Variants in DCTN6 observed in about 807,000 individuals in gnomAD.
DCTN6 encodes dynactin subunit 6.
In DCTN6, 15 loss-of-function variants were observed where a neutral mutation model predicts 25.8. The ratio of observed to expected loss-of-function variants is 0.58; its 90% confidence interval spans 0.39 to 0.89. DCTN6 has a LOEUF of 0.89. Among genes scored for constraint, DCTN6 ranks in the 40% least tolerant of loss-of-function variants. The pLI is 0.00. For missense variants in DCTN6, 198 were observed against 237.6 expected (o/e 0.83, Z 1.09); for synonymous variants, 64 against 78.3 (o/e 0.82, Z 0.96).
At chr8:30,156,649 C>A (rs1175762529) in intron 1 of DCTN6, among the ~76,000 whole-genome samples, 1 of 152,074 alleles carries the variant, frequency 6.6e-6, no homozygotes, top group Non-Finnish European at 1.5e-5. Flanking sequence ...TCCCTCCCCA[C>A]ATGCGCCTGC....
At chr8:30,172,453 A>C (rs550878173) in intron 2 of DCTN6, among the ~76,000 whole-genome samples, 2 of 97,726 alleles carry the variant, frequency 2.0e-5, no homozygotes, top group Non-Finnish European at 5.4e-5. Context: ...GATATTTACA[A>C]ATTTTTTTTT....
chr8:30,156,532 G>T lies in DCTN6; in HGVS notation c.23+126G>T. On this transcript the variant is annotated intron_variant, in intron 1 of 6. Transcript: ENST00000221114. ...GGCATTCGGGCCGAAGGTACCTGAAGCCCAGACCTGGCGTCCACTGAGGGA... is the reference window on the plus strand; with the variant it reads ...GGCATTCGGGCCGAAGGTACCTGAATCCCAGACCTGGCGTCCACTGAGGGA... 7 of 1,172,072 alleles carry T rather than the reference G, an allele frequency of 6.0e-6. No individual in the cohort carries two copies. In the South Asian group the frequency reaches 7.9e-5, roughly 13 times the overall value. The allele number at this position is 1,172,072 out of a possible 1,614,324, so 72.6% of individuals were successfully genotyped here. A position where few individuals can be genotyped will look rare whatever the true frequency, so the allele number is the denominator to read the frequency against.
chr8:30,174,408 C>G (rs1803804251), intron 2 of DCTN6, among the ~76,000 whole-genome samples: 2 of 152,040 alleles, frequency 1.3e-5, no homozygotes, highest in Non-Finnish European at 2.9e-5. Context: ...TCTCAGCTCA[C>G]TGTAGCCTTT....
intron 2 of DCTN6, among the ~76,000 whole-genome samples, chr8:30,172,599 C>CACCACCATG (rs1230233775): frequency 9.2e-5 from 14 of 152,164 alleles, no homozygotes; most frequent in African/African-American, 3.1e-4. Flanking sequence ...CACAGGTGTG[C>CACCACCATG]ACCACCATGC....
chr8:30,175,652 A>G (rs1803823167), intron 3 of DCTN6, among the ~76,000 whole-genome samples: 1 of 152,002 alleles, frequency 6.6e-6, no homozygotes, highest in Non-Finnish European at 1.5e-5. Flanking sequence ...TTATAGTTGA[A>G]AAATGTGGAG....
intron 1 of DCTN6, among the ~76,000 whole-genome samples, chr8:30,158,701 C>CT (rs5890500): frequency 0.59 from 58,249 of 98,992 alleles, 16,697 homozygotes; most frequent in Non-Finnish European, 0.67. Flanking sequence ...AGTAGATTGA[C>CT]TTTTTTTTTT....
intron 2 of DCTN6, chr8:30,166,008 T>C (rs1169130374): frequency 2.0e-5 from 3 of 152,224 alleles, no homozygotes; most frequent in Non-Finnish European, 4.4e-5. Flanking sequence ...GAAAGTTATG[T>C]TTTTTAATTT....
At chr8:30,161,385 A>G (rs987056622) in intron 1 of DCTN6, among the ~76,000 whole-genome samples, 30 of 152,136 alleles carry the variant, frequency 2.0e-4, no homozygotes, top group African/African-American at 6.3e-4. Context: ...TCTCTGTAGG[A>G]TTAGACCAAC....
At chr8:30,169,494 G>C (rs894050906) in intron 2 of DCTN6, among the ~76,000 whole-genome samples, 20 of 152,250 alleles carry the variant, frequency 1.3e-4, no homozygotes, top group African/African-American at 4.6e-4. Context: ...TCCAACTCTA[G>C]ACACATTTTT....
chr8:30,170,078 C>G (rs780916897), intron 2 of DCTN6, among the ~76,000 whole-genome samples: 37 of 151,574 alleles, frequency 2.4e-4, no homozygotes, highest in Non-Finnish European at 4.4e-4. Flanking sequence ...GAGGCTGAGG[C>G]AGGAGAATTG....
Position 30,177,182 on chromosome 8 carries a change from T to C in DCTN6, c.251T>C (p.Ile84Thr). 3 of 1,613,798 alleles carry C rather than the reference T, an allele frequency of 1.9e-6. No individual in the cohort carries two copies. The highest frequency in any genetic ancestry group is 2.5e-6 in the Non-Finnish European group (3 of 1,179,840). Residue 84 changes from isoleucine to threonine, a missense_variant, in exon 4 of 7, where the codon ATT (isoleucine) becomes ACT (threonine). Coordinates refer to ENST00000221114, the MANE Select transcript of DCTN6 (RefSeq NM_006571.4). ...TEDPEPKPMIIGTNNVFEVGC... is the reference protein window; with the variant it reads ...TEDPEPKPMITGTNNVFEVGC... ...GATCCAGAACCAAAACCTATGATCA[T>C]TGGCACCAATAATGTGTTTGAAGTT...
At chr8:30,157,533 A>C (rs1461290283) in intron 1 of DCTN6, among the ~76,000 whole-genome samples, 2 of 152,198 alleles carry the variant, frequency 1.3e-5, no homozygotes, top group African/African-American at 4.8e-5. Flanking sequence ...TTGAGAAATC[A>C]CCATACTATT....
chr8:30,171,117 T>C (rs919474401), intron 2 of DCTN6, among the ~76,000 whole-genome samples: 2 of 152,174 alleles, frequency 1.3e-5, no homozygotes, highest in Admixed American at 1.3e-4. Context: ...AACACACAGG[T>C]CCCAGGGGTA....
intron 3 of DCTN6, among the ~76,000 whole-genome samples, chr8:30,175,615 CAT>C (rs1024744599): frequency 1.2e-4 from 18 of 151,536 alleles, no homozygotes; most frequent in East Asian, 2.0e-4. Context: ...TATTTTTTCA[CAT>C]GTTTTGCACA....
rs149715919 is a variant in DCTN6 at position 30,172,813 on chromosome 8, T to C, written c.89-2272T>C. Among the ~76,000 whole-genome samples, 269 of 152,332 alleles carry C rather than the reference T, an allele frequency of 1.8e-3. 7 individuals are homozygous for C. The highest frequency in any genetic ancestry group is 0.014 in the Admixed American group (217 of 15,296). The stretch of plus-strand genomic sequence containing the variant: ...ATCTGGAATAATATACTCCAAACTT[T>C]TAAGAATAGCTAACTATTTTTTTGT... On this transcript the variant is annotated intron_variant, in intron 2 of 6. Transcript: ENST00000221114.
intron 2 of DCTN6, among the ~76,000 whole-genome samples, chr8:30,174,838 G>A (rs940028738): frequency 1.3e-5 from 2 of 152,182 alleles, no homozygotes; most frequent in African/African-American, 4.8e-5. Flanking sequence ...AAGCTTCCGA[G>A]TGGAGGCTGA....
intron 2 of DCTN6, 123 bp downstream of exon 2, chr8:30,164,298 A>C: frequency 1.3e-6 from 1 of 781,686 alleles, no homozygotes; most frequent in Non-Finnish European, 2.1e-6. Context: ...TTGACAAAAT[A>C]ATGCATTTTC....
At position 30,156,390 on chromosome 8, in the gene DCTN6, G is replaced by C. The variant is rs746053546; in HGVS notation, c.7G>C (p.Glu3Gln). The C allele has an allele frequency of 6.2e-7, 1 of 1,606,120 alleles. No individual in the cohort carries two copies. Among genetic ancestry groups the C allele is most frequent in the East Asian group, 2.2e-5 (1 of 44,674 alleles). ...TTCCAATTGGGGCCGTACCATGGCGGAGAAGACTCAAAAGAGGTGGGTTTG... is the reference window on the plus strand; with the variant it reads ...TTCCAATTGGGGCCGTACCATGGCGCAGAAGACTCAAAAGAGGTGGGTTTG... MAEKTQKSVKIAP... is the reference protein window; with the variant it reads MAQKTQKSVKIAP... The change falls in exon 1 of 7, where the codon GAG (glutamate) becomes CAG (glutamine). Residue 3 changes from glutamate (E) to glutamine (Q), a missense_variant. Glu to Gln is a conservative substitution (Grantham distance 29, BLOSUM62 2). Transcript: ENST00000221114.
intron 2 of DCTN6, among the ~76,000 whole-genome samples, chr8:30,172,554 G>A (rs540549013): frequency 1.7e-4 from 26 of 151,784 alleles, no homozygotes; most frequent in Non-Finnish European, 2.9e-4. Context: ...AGGTTCAAGC[G>A]ATCCTCCCAC....
Sources: gnomAD v4.1 joint callset for allele counts (sites outside exome capture counted in the v4.1 genomes callset) on GRCh38, gnomAD v4.1.1 for gene constraint, MANE v1.5 for transcripts, NCBI Gene and HGNC (gene_info 2026-07-23, HGNC 2026-07-21) for gene names.